Variants in PRKCZ observed in about 807,000 individuals in gnomAD.
PRKCZ encodes the protein protein kinase C zeta type.
In PRKCZ, 33 loss-of-function variants were observed where a neutral mutation model predicts 79.5. The observed-to-expected ratio is 0.41, with a 90% CI of 0.31 to 0.55. PRKCZ has a LOEUF of 0.55. Ranked by LOEUF, PRKCZ falls within the 20% of genes least tolerant of loss-of-function variation. The pLI is 0.19. For missense variants in PRKCZ, 578 were observed against 813.5 expected (o/e 0.71, Z 3.52); for synonymous variants, 342 against 320.9 (o/e 1.07, Z -0.70).
intron 16 of PRKCZ, among the ~76,000 whole-genome samples, chr1:2,183,285 A>T (rs1357394126): frequency 6.6e-6 from 1 of 151,860 alleles, no homozygotes; most frequent in Non-Finnish European, 1.5e-5. Flanking sequence ...AGTCCCGGCT[A>T]CTCAGGAGAC....
chr1:2,056,658 G>C (rs1228333588), intron 3 of PRKCZ, 85 bp downstream of exon 3: 1 of 1,242,640 alleles, frequency 8.0e-7, no homozygotes, highest in African/African-American at 1.5e-5. Flanking sequence ...GATTTAAAAT[G>C]GTTTAAAATC....
In PRKCZ at chr1:2,087,138, A is replaced by G. The variant is rs182799218; in HGVS notation, c.334+27547A>G. Among the ~76,000 whole-genome samples the G allele has an allele frequency of 3.3e-5, 5 of 152,192 alleles. 1 individual carries two copies. The East Asian group carries it at 7.7e-4, about 24-fold the overall frequency. On this transcript the variant is annotated intron_variant, in intron 4 of 17. Transcript: ENST00000378567. The stretch of plus-strand genomic sequence containing the variant: ...TGCTCTGTCACCCAGGCTGGAGTGC[A>G]GTGGCGCGATCTCAGCTCACTGTAA...
intron 10 of PRKCZ, among the ~76,000 whole-genome samples, chr1:2,157,268 C>T (rs1187742071): frequency 6.6e-6 from 1 of 152,150 alleles, no homozygotes; most frequent in East Asian, 1.9e-4. Flanking sequence ...ACAGGCATGC[C>T]CGGAAGTCAT....
rs967926452 is a variant in PRKCZ, at chr1:2,125,528, C to G, written c.335-9734C>G. Among the ~76,000 whole-genome samples the G allele has an allele frequency of 1.3e-5, 2 of 152,162 alleles. No individual in the cohort carries two copies. The highest frequency in any genetic ancestry group is 2.9e-5 in the Non-Finnish European group (2 of 68,034). ...ACTGGAGGCTTTGGCCCTTGTCCCA[C>G]CCCTGCTCCCCTGAGGAGGGAGGCG... On this transcript the variant is annotated intron_variant, in intron 4 of 17. Transcript: ENST00000378567. The surrounding 1 kb of genome is among the most constrained non-coding windows in gnomAD (Gnocchi z 4.2).
chr1:2,184,829 T>C, intron 17 of PRKCZ, 93 bp from the exon 18 acceptor site: 1 of 1,389,702 alleles, frequency 7.2e-7, no homozygotes, highest in Non-Finnish European at 1.0e-6. Flanking sequence ...CCAGTGGGCG[T>C]TGGGGGAGGA....
intron 5 of PRKCZ, among the ~76,000 whole-genome samples, chr1:2,136,220 C>G (rs1676174779): frequency 6.6e-6 from 1 of 152,218 alleles, no homozygotes; most frequent in Non-Finnish European, 1.5e-5. Context: ...TCTAGACCAT[C>G]AGGAAGTTCT....
intron 7 of PRKCZ, among the ~76,000 whole-genome samples, chr1:2,147,792 A>G (rs886825203): frequency 6.9e-6 from 1 of 145,624 alleles, no homozygotes; most frequent in Non-Finnish European, 1.5e-5. Context: ...TTGTCCACTG[A>G]CCTCTCCATC....
At chr1:2,074,192 A>G in intron 4 of PRKCZ, 1 of 1,550,236 alleles carries the variant, frequency 6.5e-7, no homozygotes, top group South Asian at 1.2e-5. Flanking sequence ...CGGGTGACAG[A>G]TTTTTAGAAA....
chr1:2,108,933 G>A (rs371413440), intron 4 of PRKCZ, among the ~76,000 whole-genome samples: 66 of 152,266 alleles, frequency 4.3e-4, no homozygotes, highest in African/African-American at 1.5e-3. Flanking sequence ...GGGAGACCCC[G>A]TTTCCCGCCT....
chr1:2,172,373 C>T lies in PRKCZ; in HGVS notation c.1270C>T (p.Arg424Trp). The T allele has an allele frequency of 6.2e-7, 1 of 1,613,006 alleles. No homozygotes were observed. The change falls in exon 13 of 18, where the codon CGG becomes TGG. Residue 424 changes from arginine to tryptophan, a missense_variant. Physicochemically the swap from Arg to Trp is moderately radical, Grantham distance 101. This residue lies in a region of PRKCZ where 243 missense variants were observed against 467.0 expected (regional missense o/e 0.52). Transcript: ENST00000378567. This position sits in a 1 kb window ranked among gnomAD's most constrained non-coding sequence, Gnocchi z 7.8. ...TPNYIAPEILRGEEYGFSVDW... is the reference protein window; with the variant it reads ...TPNYIAPEILWGEEYGFSVDW... ...GAATTACATCGCCCCCGAAATCCTG[C>T]GGGGAGAGGAGTACGGTGAGTGCCG...
At chr1:2,160,030 G>A (rs1293551493) in intron 10 of PRKCZ, among the ~76,000 whole-genome samples, 3 of 152,088 alleles carry the variant, frequency 2.0e-5, no homozygotes, top group African/African-American at 4.8e-5. Flanking sequence ...CCATTCACTC[G>A]CTGTTCTAAA....
Position 2,106,591 on chromosome 1 carries a change from C to G in PRKCZ, c.335-28671C>G. Among the ~76,000 whole-genome samples, 2 of 38,828 alleles carry G rather than the reference C, an allele frequency of 5.2e-5. 1 individual carries two copies. Among genetic ancestry groups the G allele is most frequent in the East Asian group, 1.2e-3 (2 of 1,666 alleles). The allele number at this position is 38,828 out of a possible 152,430, so 25.5% of individuals were successfully genotyped here. ...ACTCTCAGCAAGCCCCTCCAGTGGGCGAGGACCTCCACACGTGTCACCAGG... is the reference window on the plus strand; with the variant it reads ...ACTCTCAGCAAGCCCCTCCAGTGGGGGAGGACCTCCACACGTGTCACCAGG... On this transcript the variant is annotated intron_variant, in intron 4 of 17. Coordinates refer to ENST00000378567, the MANE Select transcript of PRKCZ (RefSeq NM_002744.6).
Position 2,125,120 on chromosome 1 carries a change from CA to C in PRKCZ, c.335-10141del, listed in dbSNP as rs1485231196. Among the ~76,000 whole-genome samples, 4 of 152,154 alleles carry C rather than the reference CA, an allele frequency of 2.6e-5. No homozygotes were observed. Among genetic ancestry groups the C allele is most frequent in the Non-Finnish European group, 5.9e-5 (4 of 68,016 alleles). ...GTTTGAGGGTGGGGGACACGGAGCT[CA>C]GCAGTGAGGAACTCGGAGCAGCTTC... On this transcript the variant is annotated intron_variant, in intron 4 of 17. Coordinates refer to ENST00000378567, the MANE Select transcript of PRKCZ (RefSeq NM_002744.6). This position sits in a 1 kb window ranked among gnomAD's most constrained non-coding sequence, Gnocchi z 4.2.
At chr1:2,106,507 A>G (rs112359187) in intron 4 of PRKCZ, among the ~76,000 whole-genome samples, 2,886 of 45,960 alleles carry the variant, frequency 0.063, 190 homozygotes, top group East Asian at 0.13. Context: ...CAGGCCAGGT[A>G]ACTCTCAGCA....
chr1:2,055,620 G>A (rs1308477071), intron 2 of PRKCZ, 58 bp downstream of exon 2: 3 of 1,573,888 alleles, frequency 1.9e-6, no homozygotes, highest in Non-Finnish European at 2.6e-6. Context: ...CGCCAGGGCA[G>A]CCTCTGTGTG....
chr1:2,144,491 G>A, intron 6 of PRKCZ, 150 bp downstream of exon 6: 1 of 1,449,824 alleles, frequency 6.9e-7, no homozygotes, highest in Non-Finnish European at 9.1e-7. Flanking sequence ...TGAGACTCAG[G>A]CGGCAGTCTT....
intron 3 of PRKCZ, among the ~76,000 whole-genome samples, chr1:2,058,061 G>A (rs1465025551): frequency 5.3e-5 from 8 of 152,180 alleles, no homozygotes; most frequent in Non-Finnish European, 1.0e-4. Flanking sequence ...TAGAGACGGA[G>A]TTTCACCATG....
chr1:2,156,209 G>A (rs1412447095), intron 10 of PRKCZ, 117 bp downstream of exon 10: 8 of 966,476 alleles, frequency 8.3e-6, no homozygotes, highest in East Asian at 2.6e-5. Flanking sequence ...GTTGCTGTAC[G>A]GGTGTTTTCA....
In PRKCZ at chr1:2,173,888, C is replaced by G; in HGVS notation, c.1286-9C>G. On this transcript the variant is annotated splice_polypyrimidine_tract_variant and intron_variant, in intron 13 of 17. Transcript: ENST00000378567. The surrounding 1 kb of genome is among the most constrained non-coding windows in gnomAD (Gnocchi z 5.7). ...CCCCACTCGGTGATGGCTGTGTGCT[C>G]TCCCCCAGGGTTCAGCGTGGACTGG... 6.3e-7 allele frequency: 1 copy of G among 1,589,226 alleles called. No homozygotes were observed. Among genetic ancestry groups the G allele is most frequent in the Non-Finnish European group, 8.6e-7 (1 of 1,165,464 alleles).
Sources: allele counts gnomAD v4.1 joint callset (sites outside exome capture counted in the v4.1 genomes callset), GRCh38; gene constraint gnomAD v4.1.1; regional missense constraint gnomAD v4.1.1; non-coding constraint Gnocchi (gnomAD v3.1); transcripts MANE v1.5; gene names NCBI Gene and HGNC (gene_info 2026-07-23, HGNC 2026-07-21).